Variants in ANO3 observed in about 807,000 individuals in gnomAD.
ANO3 encodes anoctamin-3.
A neutral mutation model predicts 144.8 loss-of-function variants in ANO3; 99 were observed. That is an observed-to-expected ratio of 0.68 (90% CI 0.58 to 0.81). ANO3 has a LOEUF of 0.81. Ranked by LOEUF, ANO3 falls within the 30% of genes least tolerant of loss-of-function variation. The pLI is 0.00. For missense variants in ANO3, 905 were observed against 1,202.2 expected (o/e 0.75, Z 3.66); for synonymous variants, 414 against 392.6 (o/e 1.05, Z -0.64).
At chr11:26,433,093 C>G (rs1355556629) in intron 1 of ANO3, among the ~76,000 whole-genome samples, 1 of 151,938 alleles carries the variant, frequency 6.6e-6, no homozygotes, top group African/African-American at 2.4e-5. Flanking sequence ...TTTGGTAATT[C>G]TCGATGTAGA....
intron 1 of ANO3, among the ~76,000 whole-genome samples, chr11:26,333,072 T>G (rs2133889933): frequency 6.6e-6 from 1 of 152,302 alleles, no homozygotes; most frequent in East Asian, 1.9e-4. Context: ...GGAGTTTTAT[T>G]ATCCAGAAGC....
At chr11:26,319,663 A>C (rs1854712453) in intron 1 of ANO3, among the ~76,000 whole-genome samples, 1 of 152,184 alleles carries the variant, frequency 6.6e-6, no homozygotes, top group African/African-American at 2.4e-5. Context: ...ATATCCTATA[A>C]AAATAGGTAT....
At chr11:26,468,593 A>G (rs2134066931) in intron 4 of ANO3, among the ~76,000 whole-genome samples, 1 of 152,098 alleles carries the variant, frequency 6.6e-6, no homozygotes, top group East Asian at 1.9e-4. Flanking sequence ...AGAAAGAGAT[A>G]GCTTTTGTAG....
intron 3 of ANO3, among the ~76,000 whole-genome samples, chr11:26,445,873 G>T (rs1809782): frequency 6.6e-6 from 1 of 151,896 alleles, no homozygotes; most frequent in Non-Finnish European, 1.5e-5. Flanking sequence ...TCTCTCTTGC[G>T]CAGGCTGGAG....
At chr11:26,244,000 C>T (rs1852724025) in intron 1 of ANO3, among the ~76,000 whole-genome samples, 1 of 151,488 alleles carries the variant, frequency 6.6e-6, no homozygotes, top group African/African-American at 2.4e-5. Flanking sequence ...GTCTGTAGTC[C>T]CAGCTACTCA....
intron 14 of ANO3, chr11:26,563,020 C>A (rs1850354578): frequency 3.4e-6 from 5 of 1,471,588 alleles, no homozygotes; most frequent in Non-Finnish European, 4.5e-6. Flanking sequence ...CATATGAATT[C>A]TTTTGGAATT....
chr11:26,347,693 A>G (rs1855531200), intron 1 of ANO3, among the ~76,000 whole-genome samples: 1 of 152,172 alleles, frequency 6.6e-6, no homozygotes, highest in Non-Finnish European at 1.5e-5. Flanking sequence ...TCTGATTTTT[A>G]TTAGCACTTG....
intron 14 of ANO3, among the ~76,000 whole-genome samples, chr11:26,591,305 T>G (rs906718463): frequency 2.6e-5 from 4 of 152,126 alleles, no homozygotes; most frequent in Non-Finnish European, 5.9e-5. Flanking sequence ...GTAGGGGTCG[T>G]GCAGTTGAGA....
chr11:26,604,697 T>A (rs942449017), intron 17 of ANO3, among the ~76,000 whole-genome samples: 1 of 152,198 alleles, frequency 6.6e-6, no homozygotes, highest in African/African-American at 2.4e-5. Context: ...AGTTCATTTA[T>A]GATTTGGCTC....
At chr11:26,470,692 A>C (rs1235275092) in intron 4 of ANO3, among the ~76,000 whole-genome samples, 1 of 152,014 alleles carries the variant, frequency 6.6e-6, no homozygotes, top group Non-Finnish European at 1.5e-5. Flanking sequence ...TTCTATAAAA[A>C]TATCTAGCTG....
At chr11:26,631,166 C>A (rs1852766093) in intron 18 of ANO3, among the ~76,000 whole-genome samples, 2 of 151,902 alleles carry the variant, frequency 1.3e-5, no homozygotes, top group Non-Finnish European at 2.9e-5. Context: ...GTTTGTACAT[C>A]TTTTATTTGG....
intron 1 of ANO3, among the ~76,000 whole-genome samples, chr11:26,235,902 C>T (rs1852511538): frequency 6.6e-6 from 1 of 152,042 alleles, no homozygotes; most frequent in Non-Finnish European, 1.5e-5. Context: ...CTATAGTTTT[C>T]CCCTTGATCT....
At chr11:26,456,258 A>G (rs1048679780) in intron 3 of ANO3, among the ~76,000 whole-genome samples, 1 of 152,206 alleles carries the variant, frequency 6.6e-6, no homozygotes, top group Non-Finnish European at 1.5e-5. Flanking sequence ...TCTGCACAGC[A>G]AAAGAAACTA....
intron 1 of ANO3, chr11:26,287,412 A>T (rs990473258): frequency 6.6e-6 from 1 of 152,190 alleles, no homozygotes. Context: ...GCAGATGACA[A>T]TATCCATTTT....
At chr11:26,387,305 T>C (rs7936078) in intron 1 of ANO3, among the ~76,000 whole-genome samples, 40,095 of 151,364 alleles carry the variant, frequency 0.26, 5,896 homozygotes, top group African/African-American at 0.4. Context: ...GTGATAAAAG[T>C]ACGATCTTAG....
intron 1 of ANO3, among the ~76,000 whole-genome samples, chr11:26,312,763 G>T (rs1327444052): frequency 6.6e-6 from 1 of 152,166 alleles, no homozygotes; most frequent in African/African-American, 2.4e-5. Flanking sequence ...TAGGTAGATT[G>T]TAAAAATTTT....
intron 1 of ANO3, among the ~76,000 whole-genome samples, chr11:26,420,893 G>T (rs2133997473): frequency 6.6e-6 from 1 of 152,138 alleles, no homozygotes; most frequent in South Asian, 2.1e-4. Context: ...AATGAGAGTA[G>T]ATATGAAAAT....
At chr11:26,265,643 T>C (rs1205878503) in intron 1 of ANO3, among the ~76,000 whole-genome samples, 1 of 152,188 alleles carries the variant, frequency 6.6e-6, no homozygotes, top group African/African-American at 2.4e-5. Context: ...CTTTATCCTA[T>C]AGACAAGTAG....
intron 21 of ANO3, 140 bp from the exon 22 acceptor site, chr11:26,641,756 A>C (rs959229946): frequency 1.1e-6 from 1 of 934,014 alleles, no homozygotes; most frequent in Non-Finnish European, 1.5e-6. Flanking sequence ...TTTTTTAAAA[A>C]ACTTTTATAA....
Sources: gnomAD v4.1 joint callset for allele counts (sites outside exome capture counted in the v4.1 genomes callset) on GRCh38, gnomAD v4.1.1 for gene constraint, MANE v1.5 for transcripts, NCBI Gene and HGNC (gene_info 2026-07-23, HGNC 2026-07-21) for gene names.